Variants in AGO3 observed in about 807,000 individuals in gnomAD.
The protein encoded by AGO3 is protein argonaute-3.
Under a neutral mutation model 105.5 loss-of-function variants are expected in AGO3, and 16 were observed. That is an observed-to-expected ratio of 0.15 (90% CI 0.10 to 0.23). The LOEUF is 0.23. Among genes scored for constraint, AGO3 ranks in the 10% least tolerant of loss-of-function variants. The probability of loss-of-function intolerance (pLI) is 1.00; values close to 1 mark genes in which losing one functional copy is unlikely to be tolerated. For missense variants in AGO3, 534 were observed against 1,088.0 expected, an observed-to-expected ratio of 0.49 and a Z score of 7.16; for synonymous variants, 340 against 367.3, an observed-to-expected ratio of 0.93 and a Z score of 0.85.
chr1:35,980,610 A>T (rs1254978557), intron 5 of AGO3, among the ~76,000 whole-genome samples: 2 of 152,174 alleles, frequency 1.3e-5, no homozygotes, highest in African/African-American at 4.8e-5. Context: ...GTTTGGCTAG[A>T]TGTGGAATTG....
intron 17 of AGO3, among the ~76,000 whole-genome samples, chr1:36,052,943 G>A (rs1310298315): frequency 5.3e-5 from 8 of 152,194 alleles, no homozygotes; most frequent in South Asian, 2.1e-4. Flanking sequence ...CTGGGAGGTC[G>A]AGACTGCAGA....
At chr1:36,023,054 C>T (rs1165495722) in intron 11 of AGO3, among the ~76,000 whole-genome samples, 1 of 152,172 alleles carries the variant, frequency 6.6e-6, no homozygotes, top group Admixed American at 6.5e-5. Flanking sequence ...CCAGTTTCTT[C>T]CTGACTCAGT....
At chr1:35,939,367 A>G (rs1355947114) in intron 1 of AGO3, among the ~76,000 whole-genome samples, 2 of 152,198 alleles carry the variant, frequency 1.3e-5, no homozygotes, top group Non-Finnish European at 2.9e-5. Flanking sequence ...AGTAATGACC[A>G]TGGAGAAAAA....
rs1350816675 is a variant in AGO3, at chr1:35,973,670, A to G, written c.658+159A>G. On this transcript the variant is annotated intron_variant, in intron 5 of 18. Coordinates refer to ENST00000373191, the MANE Select transcript of AGO3 (RefSeq NM_024852.4). ...AACCTTTATATTTTTATTACATTTCATTTAGAAAGCCTGTAGAATTTACCT... is the reference window on the plus strand; with the variant it reads ...AACCTTTATATTTTTATTACATTTCGTTTAGAAAGCCTGTAGAATTTACCT... 8.9e-5 allele frequency: 75 copies of G among 842,454 alleles called. 1 individual carries two copies. The highest frequency in any genetic ancestry group is 4.6e-5 in the Non-Finnish European group (29 of 627,842). 52.2% of individuals were successfully genotyped at this position (842,454 alleles called of 1,614,324 possible). A position where few individuals can be genotyped will look rare whatever the true frequency, so the allele number is the denominator to read the frequency against.
At position 36,040,339 on chromosome 1, in the gene AGO3, A is replaced by G; in HGVS notation, c.2070A>G (p.Glu690=). The change falls in exon 16 of 19, where the codon GAA becomes GAG. Residue 690 remains glutamate (E), a synonymous_variant. Transcript: ENST00000373191. ...ATTATGAACTACTAGCAATTCGAGAAGCCTGCATCAGTTTGGAGAAAGACT... is the reference window on the plus strand; with the variant it reads ...ATTATGAACTACTAGCAATTCGAGAGGCCTGCATCAGTTTGGAGAAAGACT... ...VLYYELLAIR[E]ACISLEKDYQ... is the part of the protein sequence containing the mutation. The G allele has an allele frequency of 6.2e-7, 1 of 1,613,826 alleles. No individual in the cohort carries two copies. The highest frequency in any genetic ancestry group is 1.3e-5 in the African/African-American group (1 of 75,064).
In AGO3 at chr1:36,016,628, A is replaced by C. The variant is rs115292606; in HGVS notation, c.1406+2580A>C. Among the ~76,000 whole-genome samples, 1,005 of 152,120 alleles carry C rather than the reference A, an allele frequency of 6.6e-3. 7 individuals carry two copies. Among genetic ancestry groups the C allele is most frequent in the African/African-American group, 0.023 (956 of 41,484 alleles). On this transcript the variant is annotated intron_variant, in intron 11 of 18. Transcript: ENST00000373191. ...TTTTTAATGGATTGGCATTGATGTC[A>C]GTCACCATCATAAACTTACTTATTT...
At chr1:36,047,653 G>A (rs1041281201) in intron 17 of AGO3, among the ~76,000 whole-genome samples, 1 of 152,126 alleles carries the variant, frequency 6.6e-6, no homozygotes, top group Non-Finnish European at 1.5e-5. Flanking sequence ...GCCAAGGTGG[G>A]CAGACCGCTT....
chr1:36,016,437 T>G (rs1569799179), intron 11 of AGO3, among the ~76,000 whole-genome samples: 2 of 152,126 alleles, frequency 1.3e-5, no homozygotes, highest in South Asian at 4.1e-4. Flanking sequence ...CTGCCTCAGC[T>G]TCCCAAAGTG....
chr1:36,030,972 T>A (rs1052174212), intron 12 of AGO3, among the ~76,000 whole-genome samples: 2 of 152,212 alleles, frequency 1.3e-5, no homozygotes, highest in African/African-American at 4.8e-5. Context: ...TGTAACAGAA[T>A]ACTCCCAATT....
chr1:36,018,920 T>C (rs1641064207), intron 11 of AGO3, among the ~76,000 whole-genome samples: 1 of 151,996 alleles, frequency 6.6e-6, no homozygotes, highest in Admixed American at 6.6e-5. Flanking sequence ...GGAGGCCATC[T>C]GCTTCTCGGG....
intron 5 of AGO3, among the ~76,000 whole-genome samples, chr1:35,999,093 C>G (rs1329417861): frequency 6.6e-6 from 1 of 152,158 alleles, no homozygotes; most frequent in Non-Finnish European, 1.5e-5. Flanking sequence ...TGGCTCATGC[C>G]TGTAATCCCA....
At chr1:35,957,933 G>A (rs994669594) in intron 2 of AGO3, among the ~76,000 whole-genome samples, 6 of 151,982 alleles carry the variant, frequency 3.9e-5, no homozygotes, top group Non-Finnish European at 7.4e-5. Flanking sequence ...AGGTATAATG[G>A]TGTACACCTA....
intron 14 of AGO3, among the ~76,000 whole-genome samples, chr1:36,039,012 T>C (rs192123339): frequency 6.6e-6 from 1 of 152,330 alleles, no homozygotes; most frequent in East Asian, 1.9e-4. Context: ...TTATTTCTTT[T>C]CTCTTATTCT....
rs752658693 is a variant in AGO3 at position 35,972,012 on chromosome 1, T to G, written c.313-12T>G. On this transcript the variant is annotated splice_polypyrimidine_tract_variant and intron_variant, in intron 3 of 18. Coordinates refer to ENST00000373191, the MANE Select transcript of AGO3 (RefSeq NM_024852.4). ...TTCAACATTTACCAGTTGACTCTTT[T>G]CCCATCAACAGGTAGATTTAGACGT... is the stretch of plus-strand genomic sequence containing the variant. The G allele has an allele frequency of 6.2e-7, 1 of 1,609,446 alleles. No individual in the cohort carries two copies. Among genetic ancestry groups the G allele is most frequent in the Non-Finnish European group, 8.5e-7 (1 of 1,176,294 alleles).
At chr1:36,026,894 A>C (rs925245693) in intron 11 of AGO3, among the ~76,000 whole-genome samples, 2 of 152,200 alleles carry the variant, frequency 1.3e-5, no homozygotes, top group African/African-American at 2.4e-5. Context: ...TGCTCCTTGT[A>C]AACTACAGAA....
intron 5 of AGO3, chr1:35,984,438 A>AT (rs1361898858): frequency 6.6e-6 from 1 of 152,236 alleles, no homozygotes; most frequent in Non-Finnish European, 1.5e-5. Context: ...TTTAGTCACT[A>AT]TTGTGTTTGC....
chr1:35,992,652 AAATTTC>A (rs1163518055), intron 5 of AGO3, among the ~76,000 whole-genome samples: 1 of 152,196 alleles, frequency 6.6e-6, no homozygotes, highest in Non-Finnish European at 1.5e-5. Context: ...GTTTATCTCT[AAATTTC>A]AACCCATAAA....
chr1:35,931,753 A>C (rs1030688583), intron 1 of AGO3, among the ~76,000 whole-genome samples: 1 of 152,222 alleles, frequency 6.6e-6, no homozygotes, highest in African/African-American at 2.4e-5. Context: ...GCCATTGTCT[A>C]GTTGGAGTGC....
chr1:35,948,188 G>A (rs1407624478), intron 2 of AGO3, among the ~76,000 whole-genome samples: 1 of 151,470 alleles, frequency 6.6e-6, no homozygotes, highest in East Asian at 1.9e-4. Flanking sequence ...ATGATATGGT[G>A]GCAAAAATAT....
Sources: allele counts gnomAD v4.1 joint callset (sites outside exome capture counted in the v4.1 genomes callset), GRCh38; gene constraint gnomAD v4.1.1; transcripts MANE v1.5; gene names NCBI Gene and HGNC (gene_info 2026-07-23, HGNC 2026-07-21).